KMT2C: variants seen among roughly 807,000 people sequenced by gnomAD.
KMT2C encodes lysine methyltransferase 2C.
KMT2C carries 88 observed loss-of-function variants against 507.9 expected under a neutral mutation model. That is an observed-to-expected ratio of 0.17 (90% confidence interval 0.15 to 0.21). KMT2C has a LOEUF of 0.21. KMT2C is among the 10% of genes least tolerant of loss of function. The probability of loss-of-function intolerance (pLI) is 1.00; values close to 1 mark genes in which losing one functional copy is unlikely to be tolerated. For synonymous variants in KMT2C, 2,049 were observed against 2,080.8 expected (o/e 0.98, Z 0.42); for missense variants, 4,954 against 5,957.8 (o/e 0.83, Z 5.55).
chr7:152,139,364 C>A lies in KMT2C; in HGVS notation c.14461-105G>T, dbSNP rs189718120. On this transcript the variant is annotated intron_variant, in intron 56 of 58. Coordinates refer to ENST00000262189, the MANE Select transcript of KMT2C (RefSeq NM_170606.3). ...CAGTCGAAACTGAACGGAACGGCAG[C>A]CTGATCATCCTTACTGTGGATATTC... 2.3e-3 allele frequency: 2,167 copies of A among 957,702 alleles called. 3 individuals are homozygous for A. Among genetic ancestry groups the A allele is most frequent in the Non-Finnish European group, 2.9e-3 (1,738 of 607,368 alleles). 59.3% of individuals were successfully genotyped at this position (957,702 alleles called of 1,614,324 possible).
At chr7:152,190,950 C>T (rs2093773462) in intron 31 of KMT2C, among the ~76,000 whole-genome samples, 1 of 152,188 alleles carries the variant, frequency 6.6e-6, no homozygotes, top group Middle Eastern at 3.2e-3. Context: ...CTATACCTCT[C>T]ACTCAATGTC....
intron 16 of KMT2C, among the ~76,000 whole-genome samples, chr7:152,233,253 A>G (rs2095176740): frequency 6.6e-6 from 1 of 152,206 alleles, no homozygotes; most frequent in Non-Finnish European, 1.5e-5. Context: ...AGACTGCTAG[A>G]AAAATAAAAC....
At position 152,183,117 on chromosome 7, in the gene KMT2C, T is replaced by C. The variant is rs1332525709; in HGVS notation, c.5122A>G (p.Lys1708Glu). The part of the protein sequence containing the change: ...RDNRAALRIN[K>E]VQMSNDSMKR... ...ATGGAATCATTTGACATCTGTACTT[T>C]ATTAATGCGTAAAGCAGCTCTGTTA... is the stretch of plus-strand genomic sequence containing the variant. Residue 1708 changes from lysine (K) to glutamate (E), a missense_variant, in exon 35 of 59, where the codon AAA becomes GAA. Transcript: ENST00000262189. 3 of 1,607,338 alleles carry C rather than the reference T, an allele frequency of 1.9e-6. No individual in the cohort carries two copies. Among genetic ancestry groups the C allele is most frequent in the Non-Finnish European group, 2.5e-6 (3 of 1,177,892 alleles).
rs564161548 is a variant in KMT2C at position 152,139,814 on chromosome 7, T to A, written c.14344-23A>T. The A allele has an allele frequency of 2.0e-6, 3 of 1,514,958 alleles. No homozygotes were observed. The East Asian group carries it at 6.8e-5, about 34-fold the overall frequency. 93.8% of individuals were successfully genotyped at this position (1,514,958 alleles called of 1,614,324 possible). A position where few individuals can be genotyped will look rare whatever the true frequency, so the allele number is the denominator to read the frequency against. On this transcript the variant is annotated intron_variant, in intron 55 of 58. Transcript: ENST00000262189. ...CCCCTAAAAAAAAGTGTGTACATAC[T>A]TCCAATTTATGTGACAACAAGTCTT...
At chr7:152,326,332 T>C (rs932137457) in intron 3 of KMT2C, among the ~76,000 whole-genome samples, 5 of 152,220 alleles carry the variant, frequency 3.3e-5, no homozygotes, top group East Asian at 1.9e-4. Flanking sequence ...ACTGCTATTA[T>C]GTCTGTGATC....
chr7:152,301,629 G>T (rs1224590042), intron 6 of KMT2C, among the ~76,000 whole-genome samples: 3 of 152,200 alleles, frequency 2.0e-5, no homozygotes, highest in Admixed American at 2.0e-4. Context: ...CAAGGTTGCA[G>T]TAAGCCATGA....
chr7:152,397,230 CTG>C (rs943716496), intron 1 of KMT2C, among the ~76,000 whole-genome samples: 1 of 151,166 alleles, frequency 6.6e-6, no homozygotes, highest in Non-Finnish European at 1.5e-5. Context: ...GAGTCTCACT[CTG>C]TTGCCCAGGT....
At chr7:152,212,091 A>C (rs1240393356) in intron 23 of KMT2C, among the ~76,000 whole-genome samples, 1 of 152,174 alleles carries the variant, frequency 6.6e-6, no homozygotes, top group Non-Finnish European at 1.5e-5. Flanking sequence ...ACGAGGACAG[A>C]AAGAAAGACA....
chr7:152,146,638 A>G lies in KMT2C; in HGVS notation c.13992T>C (p.Phe4664=). ...GTGCCACTGCAGAGACGGTCAGGCC[A>G]AACAGATCCTCTCCTTTTAAATACG... ...FPAYLKGEDL[F]GLTVSAVARI... Residue 4664 remains phenylalanine, a synonymous_variant, in exon 53 of 59, where the codon TTT becomes TTC. Transcript: ENST00000262189. 1 of 1,614,204 alleles carries G rather than the reference A, an allele frequency of 6.2e-7. No homozygotes were observed. Among genetic ancestry groups the G allele is most frequent in the Non-Finnish European group, 8.5e-7 (1 of 1,180,018 alleles).
At chr7:152,255,120 T>TATATATATATATATATATATAC (rs2095629834) in intron 9 of KMT2C, among the ~76,000 whole-genome samples, 1 of 103,024 alleles carries the variant, frequency 9.7e-6, no homozygotes, top group African/African-American at 6.1e-5. Flanking sequence ...TATATATATA[T>TATATATATATATATATATATAC]ATATATATAT....
intron 52 of KMT2C, 48 bp from the exon 53 acceptor site, chr7:152,146,783 T>C: frequency 6.5e-7 from 1 of 1,548,492 alleles, no homozygotes; most frequent in East Asian, 2.3e-5. Flanking sequence ...GGATACAGTA[T>C]AAAAAACAAG....
intron 16 of KMT2C, among the ~76,000 whole-genome samples, chr7:152,235,488 A>C (rs1267713663): frequency 2.1e-4 from 32 of 152,088 alleles, no homozygotes; most frequent in Admixed American, 2.1e-3. Context: ...TACACATATA[A>C]ATAAAGCCTC....
chr7:152,315,343 T>C lies in KMT2C; in HGVS notation c.390-5A>G, dbSNP rs779283974. 6.2e-7 allele frequency: 1 copy of C among 1,609,330 alleles called. No individual in the cohort carries two copies. The highest frequency in any genetic ancestry group is 1.1e-5 in the South Asian group (1 of 90,890). On this transcript the variant is annotated splice_region_variant and splice_polypyrimidine_tract_variant and intron_variant, in intron 3 of 58. Transcript: ENST00000262189. ...CAAAAAGCGCAGAGCTGTTCACTAG[T>C]AAAAATGAAATGTAAGTCAGAGAAG... is the stretch of plus-strand genomic sequence containing the variant.
At chr7:152,204,605 AGATAGAT>A (rs1011190831) in intron 25 of KMT2C, among the ~76,000 whole-genome samples, 6 of 149,232 alleles carry the variant, frequency 4.0e-5, no homozygotes, top group Admixed American at 6.7e-5. Flanking sequence ...ATAGATAGAT[AGATAGAT>A]AGATAGATAG....
At chr7:152,245,495 T>TAA (rs2095457712) in intron 14 of KMT2C, among the ~76,000 whole-genome samples, 1 of 152,068 alleles carries the variant, frequency 6.6e-6, no homozygotes, top group East Asian at 1.9e-4. Context: ...CTGTTTTTGT[T>TAA]TTTTTAAAGT....
At chr7:152,316,293 G>T (rs1686864302) in intron 3 of KMT2C, among the ~76,000 whole-genome samples, 1 of 152,128 alleles carries the variant, frequency 6.6e-6, no homozygotes. Context: ...ATCCATATTG[G>T]TTTACCAACT....
intron 6 of KMT2C, among the ~76,000 whole-genome samples, chr7:152,291,299 C>A (rs1162821488): frequency 6.6e-6 from 1 of 152,274 alleles, no homozygotes; most frequent in Non-Finnish European, 1.5e-5. Context: ...CTATATCTAA[C>A]AAAAATTCAT....
In KMT2C at chr7:152,135,226, A is replaced by C; in HGVS notation, c.*1606T>G. The C allele has an allele frequency of 4.5e-6, 1 of 221,018 alleles. No homozygotes were observed. The highest frequency in any genetic ancestry group is 9.1e-6 in the Non-Finnish European group (1 of 110,042). 13.7% of individuals were successfully genotyped at this position (221,018 alleles called of 1,614,324 possible). ...AATACATCATGCCATATACAAGTTCAGAACTGCATCACTGAATATACCAAC... is the reference window on the plus strand; with the variant it reads ...AATACATCATGCCATATACAAGTTCCGAACTGCATCACTGAATATACCAAC... On this transcript the variant is annotated 3_prime_UTR_variant, in exon 59 of 59. Coordinates refer to ENST00000262189, the MANE Select transcript of KMT2C (RefSeq NM_170606.3).
intron 6 of KMT2C, among the ~76,000 whole-genome samples, chr7:152,290,258 G>GTGTATATATA (rs1337492088): frequency 1.1e-3 from 30 of 26,262 alleles, no homozygotes; most frequent in African/African-American, 2.5e-3. Flanking sequence ...GTGTGTATGT[G>GTGTATATATA]TATATATATA....
Sources: gnomAD v4.1 joint callset for allele counts (sites outside exome capture counted in the v4.1 genomes callset) on GRCh38, gnomAD v4.1.1 for gene constraint, MANE v1.5 for transcripts, NCBI Gene and HGNC (gene_info 2026-07-23, HGNC 2026-07-21) for gene names.